Variants in ICA1 observed in about 807,000 individuals in gnomAD.
The protein encoded by ICA1 is 69 kDa islet cell autoantigen.
ICA1 carries 40 observed loss-of-function variants against 71.0 expected under a neutral mutation model. The observed-to-expected ratio is 0.56, with a 90% confidence interval of 0.44 to 0.73. The LOEUF (loss-of-function observed/expected upper bound fraction) is 0.73, where lower values mean the gene tolerates loss of function less well. Among genes scored for constraint, ICA1 ranks in the 30% least tolerant of loss-of-function variants. The pLI is 0.00. For missense variants in ICA1, 578 were observed against 576.5 expected (o/e 1.00, Z -0.03); for synonymous variants, 207 against 209.5 (o/e 0.99, Z 0.10).
intron 2 of ICA1, among the ~76,000 whole-genome samples, chr7:8,235,509 T>C (rs1801572717): frequency 6.6e-6 from 1 of 152,206 alleles, no homozygotes; most frequent in South Asian, 2.1e-4. Context: ...ACGAGTCGTG[T>C]GTGGTTGTAG....
At chr7:8,214,173 T>C (rs914050915) in intron 6 of ICA1, among the ~76,000 whole-genome samples, 1 of 152,208 alleles carries the variant, frequency 6.6e-6, no homozygotes, top group African/African-American at 2.4e-5. Flanking sequence ...TTTTATCCCA[T>C]TTAGAATAAT....
chr7:8,178,425 T>C (rs1781239193), intron 6 of ICA1, among the ~76,000 whole-genome samples: 1 of 152,168 alleles, frequency 6.6e-6, no homozygotes, highest in South Asian at 2.1e-4. Context: ...ATATCTTGAT[T>C]TTGTTGCCCC....
chr7:8,121,711 T>C (rs558756574), intron 13 of ICA1, among the ~76,000 whole-genome samples: 1 of 152,262 alleles, frequency 6.6e-6, no homozygotes, highest in South Asian at 2.1e-4. Flanking sequence ...GTGACTGCAG[T>C]CAACAATAAT....
chr7:8,261,759 G>A (rs2128574634), intron 1 of ICA1, among the ~76,000 whole-genome samples: 1 of 151,980 alleles, frequency 6.6e-6, no homozygotes, highest in South Asian at 2.1e-4. Context: ...TGGGTGGGTG[G>A]GGTGGGCTGG....
At chr7:8,216,918 C>T (rs1435388056) in intron 6 of ICA1, among the ~76,000 whole-genome samples, 7 of 152,240 alleles carry the variant, frequency 4.6e-5, no homozygotes, top group Non-Finnish European at 8.8e-5. Context: ...AAGCACTCTG[C>T]CCTGCAGGCA....
intron 6 of ICA1, among the ~76,000 whole-genome samples, chr7:8,185,488 G>C (rs113695107): frequency 1.3e-5 from 2 of 152,230 alleles, no homozygotes; most frequent in African/African-American, 4.8e-5. Flanking sequence ...CATCACCTGG[G>C]AGCTTGATAG....
chr7:8,181,845 A>G (rs1478075024), intron 6 of ICA1, among the ~76,000 whole-genome samples: 1 of 152,206 alleles, frequency 6.6e-6, no homozygotes, highest in Non-Finnish European at 1.5e-5. Context: ...ATGAATACAT[A>G]AATATAGTTA....
intron 9 of ICA1, chr7:8,142,047 T>G: frequency 4.2e-6 from 6 of 1,437,950 alleles, no homozygotes; most frequent in Non-Finnish European, 5.6e-6. Flanking sequence ...GCAAATATTC[T>G]GTAAATATCT....
At position 8,144,941 on chromosome 7, in the gene ICA1, C is replaced by A. The variant is rs1796383514; in HGVS notation, c.805-969G>T. 6.6e-6 allele frequency among the ~76,000 whole-genome samples: 1 copy of A among 152,062 alleles called. No homozygotes were observed. The highest frequency in any genetic ancestry group is 1.5e-5 in the Non-Finnish European group (1 of 68,016). On this transcript the variant is annotated intron_variant, in intron 8 of 13. Coordinates refer to ENST00000402384, the MANE Select transcript of ICA1 (RefSeq NM_001136020.3). The surrounding 1 kb of genome is among the most constrained non-coding windows in gnomAD (Gnocchi z 4.5). ...CATAGGAGGCAATCAGGTTTCATGG[C>A]CAATTCTGATTGATTAGTACTGGCT... is the stretch of plus-strand genomic sequence containing the variant.
chr7:8,206,964 T>G (rs564791562), intron 6 of ICA1, among the ~76,000 whole-genome samples: 2 of 152,190 alleles, frequency 1.3e-5, no homozygotes, highest in South Asian at 2.1e-4. Flanking sequence ...CTATTTTTGC[T>G]TGTAAGCATG....
intron 1 of ICA1, among the ~76,000 whole-genome samples, chr7:8,254,496 C>T (rs139499998): frequency 6.7e-6 from 1 of 148,782 alleles, no homozygotes; most frequent in East Asian, 2.0e-4. Flanking sequence ...ACACTTGCGT[C>T]TGCTGGGTCA....
chr7:8,208,536 TACA>T (rs750543467), intron 6 of ICA1, among the ~76,000 whole-genome samples: 2 of 152,150 alleles, frequency 1.3e-5, no homozygotes, highest in African/African-American at 2.4e-5. Flanking sequence ...TGGTAAAAAT[TACA>T]ACATTTCATC....
chr7:8,229,266 T>G (rs1184612186), intron 3 of ICA1, among the ~76,000 whole-genome samples: 1 of 152,180 alleles, frequency 6.6e-6, no homozygotes, highest in African/African-American at 2.4e-5. Flanking sequence ...AACAATTTCA[T>G]AAACCATACA....
At chr7:8,198,008 T>C (rs1788287832) in intron 6 of ICA1, among the ~76,000 whole-genome samples, 1 of 152,250 alleles carries the variant, frequency 6.6e-6, no homozygotes, top group East Asian at 1.9e-4. Context: ...AATGATGTAT[T>C]TCTATCAACT....
intron 6 of ICA1, among the ~76,000 whole-genome samples, chr7:8,185,363 T>A (rs181937089): frequency 1.3e-5 from 2 of 152,168 alleles, no homozygotes; most frequent in Non-Finnish European, 2.9e-5. Flanking sequence ...CATCCATGCA[T>A]CTGGCCATCC....
At chr7:8,141,665 A>G (rs1158145715) in intron 10 of ICA1, 100 bp downstream of exon 10, 5 of 709,814 alleles carry the variant, frequency 7.0e-6, no homozygotes, top group Non-Finnish European at 1.2e-5. Context: ...GTTGAAAAAG[A>G]AGAAAGGCCT....
At chr7:8,220,464 T>C (rs1218291604) in intron 5 of ICA1, among the ~76,000 whole-genome samples, 2 of 152,216 alleles carry the variant, frequency 1.3e-5, no homozygotes, top group African/African-American at 4.8e-5. Context: ...GAAATTTCTA[T>C]AGCTTGAATA....
intron 1 of ICA1, among the ~76,000 whole-genome samples, chr7:8,245,167 C>A (rs1563182075): frequency 6.6e-6 from 1 of 152,138 alleles, no homozygotes; most frequent in Non-Finnish European, 1.5e-5. Context: ...ATACAAATGT[C>A]CATCAATGGT....
intron 1 of ICA1, among the ~76,000 whole-genome samples, chr7:8,249,310 G>A (rs983373871): frequency 2.0e-5 from 3 of 152,240 alleles, no homozygotes; most frequent in Non-Finnish European, 2.9e-5. Context: ...TATTATTCTA[G>A]GCAGAGGAAA....
Sources: allele counts gnomAD v4.1 joint callset (sites outside exome capture counted in the v4.1 genomes callset), GRCh38; gene constraint gnomAD v4.1.1; non-coding constraint Gnocchi (gnomAD v3.1); transcripts MANE v1.5; gene names NCBI Gene and HGNC (gene_info 2026-07-23, HGNC 2026-07-21).